Variants in ST6GALNAC3 observed in about 807,000 individuals in gnomAD.
ST6GALNAC3 encodes alpha-N-acetylgalactosaminide alpha-2,6-sialyltransferase 3.
A neutral mutation model predicts 32.7 loss-of-function variants in ST6GALNAC3; 25 were observed. The observed-to-expected ratio is 0.76, with a 90% CI of 0.56 to 1.07. The LOEUF (loss-of-function observed/expected upper bound fraction) is 1.07, where lower values mean the gene tolerates loss of function less well. ST6GALNAC3 is among the 50% of genes least tolerant of loss of function. The pLI, the probability that ST6GALNAC3 is intolerant of heterozygous loss-of-function variation, is 0.00. For missense variants in ST6GALNAC3, 355 were observed against 382.4 expected (o/e 0.93, Z 0.60); for synonymous variants, 129 against 133.1 (o/e 0.97, Z 0.21).
intron 2 of ST6GALNAC3, among the ~76,000 whole-genome samples, chr1:76,334,812 G>A (rs1036468392): frequency 1.3e-5 from 2 of 152,144 alleles, no homozygotes; most frequent in African/African-American, 4.8e-5. Flanking sequence ...CAATTGATGG[G>A]CCCCAGCCCC....
At chr1:76,467,753 A>G (rs6687690) in intron 3 of ST6GALNAC3, among the ~76,000 whole-genome samples, 54,478 of 151,774 alleles carry the variant, frequency 0.36, 15,398 homozygotes, top group African/African-American at 0.8. Context: ...ATAATTAGGA[A>G]AAATTTTTTG....
intron 2 of ST6GALNAC3, among the ~76,000 whole-genome samples, chr1:76,397,369 CTT>C (rs66473246): frequency 8.1e-6 from 1 of 124,084 alleles, no homozygotes; most frequent in Non-Finnish European, 1.6e-5. Context: ...CTATAAGATG[CTT>C]TTTTTTTTTT....
intron 3 of ST6GALNAC3, among the ~76,000 whole-genome samples, chr1:76,594,316 C>A (rs539161235): frequency 1.3e-5 from 2 of 151,992 alleles, no homozygotes; most frequent in Non-Finnish European, 2.9e-5. Context: ...CAAAATTGTT[C>A]ATGAATAAAC....
chr1:76,205,855 C>T (rs959665120), intron 1 of ST6GALNAC3, among the ~76,000 whole-genome samples: 12 of 152,176 alleles, frequency 7.9e-5, no homozygotes, highest in African/African-American at 1.9e-4. Flanking sequence ...GATTAGACCA[C>T]GGATCCCCAA....
intron 1 of ST6GALNAC3, among the ~76,000 whole-genome samples, chr1:76,177,743 C>T (rs1340278165): frequency 6.6e-6 from 1 of 152,168 alleles, no homozygotes; most frequent in African/African-American, 2.4e-5. Flanking sequence ...AGTCTTCTTT[C>T]CTCTTTCATT....
intron 1 of ST6GALNAC3, among the ~76,000 whole-genome samples, chr1:76,229,968 C>A (rs1227351750): frequency 6.6e-6 from 1 of 152,142 alleles, no homozygotes; most frequent in East Asian, 1.9e-4. Flanking sequence ...AAAGGAAAAC[C>A]TTTTCAAACA....
intron 2 of ST6GALNAC3, among the ~76,000 whole-genome samples, chr1:76,316,347 A>G (rs985612505): frequency 9.9e-5 from 15 of 152,226 alleles, no homozygotes; most frequent in Admixed American, 9.2e-4. Context: ...ATGTAGCAGC[A>G]TTTTTCCTAG....
At chr1:76,434,176 G>A (rs1166729452) in intron 3 of ST6GALNAC3, among the ~76,000 whole-genome samples, 1 of 152,146 alleles carries the variant, frequency 6.6e-6, no homozygotes, top group African/African-American at 2.4e-5. Context: ...ACATGGGTTA[G>A]CTCCTTTCTA....
At position 76,583,452 on chromosome 1, in the gene ST6GALNAC3, G is replaced by T. The variant is rs772643018; in HGVS notation, c.624-44000G>T. Among the ~76,000 whole-genome samples, 16 of 152,286 alleles carry T rather than the reference G, an allele frequency of 1.1e-4. No individual in the cohort carries two copies. In the South Asian group the frequency reaches 1.2e-3, roughly 12 times the overall value. On this transcript the variant is annotated intron_variant, in intron 3 of 4. Transcript: ENST00000328299. ...GATGGTAAAGATCAGCAGGAAATTA[G>T]GGATTGGTATAAGTCCTTTTGACAT...
At chr1:76,251,690 C>G (rs1435162339) in intron 1 of ST6GALNAC3, among the ~76,000 whole-genome samples, 3 of 152,148 alleles carry the variant, frequency 2.0e-5, no homozygotes, top group African/African-American at 7.2e-5. Context: ...TGATTCTTAT[C>G]ATACTTCTTT....
At chr1:76,208,041 G>GT (rs1654920169) in intron 1 of ST6GALNAC3, among the ~76,000 whole-genome samples, 1 of 54,290 alleles carries the variant, frequency 1.8e-5, no homozygotes, top group Non-Finnish European at 5.5e-5. Context: ...ACTCAAGAGT[G>GT]CCCCCCCCCC....
intron 1 of ST6GALNAC3, among the ~76,000 whole-genome samples, chr1:76,239,667 C>T (rs1656857084): frequency 6.6e-6 from 1 of 152,172 alleles, no homozygotes; most frequent in Non-Finnish European, 1.5e-5. Context: ...GAGAGATCTT[C>T]CCCCGTGACC....
chr1:76,582,985 G>A, intron 3 of ST6GALNAC3, among the ~76,000 whole-genome samples: 1 of 152,060 alleles, frequency 6.6e-6, no homozygotes, highest in Non-Finnish European at 1.5e-5. Context: ...AATACTATTT[G>A]CGTATGTAAT....
chr1:76,132,200 C>A (rs1173536301), intron 1 of ST6GALNAC3, among the ~76,000 whole-genome samples: 1 of 152,192 alleles, frequency 6.6e-6, no homozygotes, highest in Non-Finnish European at 1.5e-5. Context: ...TGGCCCTACC[C>A]CAATCATTCT....
At chr1:76,184,561 A>ACC (rs1339328359) in intron 1 of ST6GALNAC3, among the ~76,000 whole-genome samples, 2 of 150,204 alleles carry the variant, frequency 1.3e-5, no homozygotes, top group Non-Finnish European at 3.0e-5. Context: ...ACACACACAC[A>ACC]CGAAACATAT....
chr1:76,342,614 A>G (rs577385111), intron 2 of ST6GALNAC3, among the ~76,000 whole-genome samples: 13 of 151,952 alleles, frequency 8.6e-5, no homozygotes, highest in Admixed American at 5.9e-4. Context: ...GCCCTTTGTC[A>G]GATGGATAGA....
chr1:76,130,614 G>C (rs1649548945), intron 1 of ST6GALNAC3, among the ~76,000 whole-genome samples: 1 of 152,214 alleles, frequency 6.6e-6, no homozygotes, highest in South Asian at 2.1e-4. Context: ...TCCATTTGAT[G>C]ATGGAACCCT....
intron 3 of ST6GALNAC3, among the ~76,000 whole-genome samples, chr1:76,466,141 T>G (rs969975410): frequency 2.0e-5 from 3 of 152,084 alleles, no homozygotes; most frequent in African/African-American, 7.2e-5. Context: ...AAATCTAGGT[T>G]GAACATTGTA....
intron 2 of ST6GALNAC3, among the ~76,000 whole-genome samples, chr1:76,367,490 G>A (rs1455643193): frequency 6.6e-6 from 1 of 152,100 alleles, no homozygotes; most frequent in Non-Finnish European, 1.5e-5. Context: ...CAGGAGGGTA[G>A]GGGAGAAGAT....
Sources: allele counts gnomAD v4.1 joint callset (sites outside exome capture counted in the v4.1 genomes callset), GRCh38; gene constraint gnomAD v4.1.1; transcripts MANE v1.5; gene names NCBI Gene and HGNC (gene_info 2026-07-23, HGNC 2026-07-21).